EFNA5: variants seen among roughly 807,000 people sequenced by gnomAD.
The protein encoded by EFNA5 is ephrin A5.
A neutral mutation model predicts 22.9 loss-of-function variants in EFNA5; 5 were observed. The ratio of observed to expected loss-of-function variants is 0.22; its 90% CI spans 0.11 to 0.46. EFNA5 has a LOEUF of 0.46. EFNA5 is among the 20% of genes least tolerant of loss of function. EFNA5 has a pLI of 0.99. For synonymous variants in EFNA5, 113 were observed against 112.2 expected (o/e 1.01, Z -0.04); for missense variants, 237 against 293.3 (o/e 0.81, Z 1.40).
At chr5:107,418,093 T>C (rs1748553121) in intron 2 of EFNA5, among the ~76,000 whole-genome samples, 1 of 152,224 alleles carries the variant, frequency 6.6e-6, no homozygotes, top group South Asian at 2.1e-4. Flanking sequence ...ATTTGGTGTG[T>C]GCATGCTTGT....
intron 2 of EFNA5, among the ~76,000 whole-genome samples, chr5:107,409,012 G>A (rs575951056): frequency 9.8e-5 from 15 of 152,318 alleles, no homozygotes; most frequent in Admixed American, 8.5e-4. Context: ...CCAGTCCAAG[G>A]TGATAAACTC....
intron 1 of EFNA5, among the ~76,000 whole-genome samples, chr5:107,563,426 GTTATTA>G (rs568174251): frequency 6.6e-6 from 1 of 151,774 alleles, no homozygotes; most frequent in Non-Finnish European, 1.5e-5. Flanking sequence ...ATTTTTAAAA[GTTATTA>G]TTATTATTAT....
intron 1 of EFNA5, among the ~76,000 whole-genome samples, chr5:107,529,298 C>A (rs915110466): frequency 2.0e-5 from 3 of 152,076 alleles, no homozygotes; most frequent in Non-Finnish European, 2.9e-5. Flanking sequence ...AACAGAGGTC[C>A]TGAGTAGTGA....
At chr5:107,402,395 T>C (rs1358952141) in intron 2 of EFNA5, among the ~76,000 whole-genome samples, 2 of 152,172 alleles carry the variant, frequency 1.3e-5, no homozygotes, top group Non-Finnish European at 2.9e-5. Context: ...GATTAGTAAT[T>C]AGGACCATAC....
At chr5:107,421,028 T>C (rs1748643603) in intron 2 of EFNA5, among the ~76,000 whole-genome samples, 1 of 152,212 alleles carries the variant, frequency 6.6e-6, no homozygotes, top group Non-Finnish European at 1.5e-5. Flanking sequence ...CTGAATATTC[T>C]TATACTTTTA....
intron 1 of EFNA5, among the ~76,000 whole-genome samples, chr5:107,615,900 GATAA>G (rs1749902536): frequency 6.6e-6 from 1 of 152,074 alleles, no homozygotes; most frequent in Non-Finnish European, 1.5e-5. Context: ...AAATAAGAAA[GATAA>G]ATAGACTATG....
chr5:107,546,297 A>G (rs1451806367), intron 1 of EFNA5, among the ~76,000 whole-genome samples: 3 of 152,162 alleles, frequency 2.0e-5, no homozygotes, highest in Non-Finnish European at 2.9e-5. Flanking sequence ...TCTCCAGCAC[A>G]TCTGCTCAGG....
intron 1 of EFNA5, among the ~76,000 whole-genome samples, chr5:107,435,921 G>T (rs1749099255): frequency 6.6e-6 from 1 of 152,152 alleles, no homozygotes; most frequent in Non-Finnish European, 1.5e-5. Context: ...ATGATGATAA[G>T]AAGACATCAT....
At chr5:107,591,932 TA>T (rs1166432454) in intron 1 of EFNA5, among the ~76,000 whole-genome samples, 299 of 17,010 alleles carry the variant, frequency 0.018, 31 homozygotes, top group African/African-American at 0.043. Flanking sequence ...ATATAATATA[TA>T]ATATATATAT....
rs75381874 is a variant in EFNA5, at chr5:107,574,140, G to T, written c.125+96349C>A. 2.5e-4 allele frequency among the ~76,000 whole-genome samples: 38 copies of T among 152,166 alleles called. No individual in the cohort carries two copies. In the East Asian group the frequency reaches 6.8e-3, roughly 27 times the overall value. On this transcript the variant is annotated intron_variant, in intron 1 of 4. Coordinates refer to ENST00000333274, the MANE Select transcript of EFNA5 (RefSeq NM_001962.3). ...GGGATAAGTATGATAACTATCAATT[G>T]GTTTTCTTATTGAATTTAAGACGTA... is the stretch of plus-strand genomic sequence containing the variant.
At chr5:107,528,492 T>A (rs1429225939) in intron 1 of EFNA5, among the ~76,000 whole-genome samples, 3 of 152,230 alleles carry the variant, frequency 2.0e-5, no homozygotes. Context: ...AAGGGTGAAA[T>A]GTGCTTGATC....
At chr5:107,584,302 A>G (rs1580543027) in intron 1 of EFNA5, among the ~76,000 whole-genome samples, 1 of 152,180 alleles carries the variant, frequency 6.6e-6, no homozygotes, top group East Asian at 1.9e-4. Context: ...AGTATTGGCC[A>G]TATTTGCCTA....
Position 107,378,215 on chromosome 5 carries a change from C to G in EFNA5, c.*3040G>C, listed in dbSNP as rs1003161094. ...TTTTTTTTTTTTTTTTAATGTTTTACTTTTCTTTCCTCTGCCACCCAAGAA... is the reference window on the plus strand; with the variant it reads ...TTTTTTTTTTTTTTTTAATGTTTTAGTTTTCTTTCCTCTGCCACCCAAGAA... On this transcript the variant is annotated 3_prime_UTR_variant, in exon 5 of 5. Transcript: ENST00000333274. 7.1e-6 allele frequency: 1 copy of G among 141,776 alleles called. No individual in the cohort carries two copies. Among genetic ancestry groups the G allele is most frequent in the Non-Finnish European group, 1.5e-5 (1 of 65,508 alleles). The allele number at this position is 141,776 out of a possible 1,614,324, so 8.8% of individuals were successfully genotyped here. A position where few individuals can be genotyped will look rare whatever the true frequency, so the allele number is the denominator to read the frequency against.
intron 1 of EFNA5, among the ~76,000 whole-genome samples, chr5:107,573,846 T>C (rs963213747): frequency 1.3e-5 from 2 of 152,212 alleles, no homozygotes; most frequent in African/African-American, 2.4e-5. Flanking sequence ...AATAAGCTTC[T>C]GCTGTGAATA....
At chr5:107,439,936 C>T (rs1749213406) in intron 1 of EFNA5, among the ~76,000 whole-genome samples, 1 of 152,216 alleles carries the variant, frequency 6.6e-6, no homozygotes, top group Admixed American at 6.5e-5. Flanking sequence ...ACTTTGTTAA[C>T]ACCAGAATAC....
chr5:107,547,290 G>A (rs1297224544), intron 1 of EFNA5, among the ~76,000 whole-genome samples: 1 of 152,114 alleles, frequency 6.6e-6, no homozygotes, highest in African/African-American at 2.4e-5. Flanking sequence ...ATGCCAGTAC[G>A]GGAAATTCAT....
intron 1 of EFNA5, among the ~76,000 whole-genome samples, chr5:107,586,521 C>A (rs968291631): frequency 1.3e-4 from 20 of 152,260 alleles, no homozygotes; most frequent in African/African-American, 4.8e-4. Context: ...AGAAAATGGA[C>A]CCTGTGCTAC....
intron 2 of EFNA5, among the ~76,000 whole-genome samples, chr5:107,395,824 G>C (rs10068257): frequency 0.036 from 5,406 of 152,270 alleles, 326 homozygotes; most frequent in African/African-American, 0.12. Context: ...CTCTTCTTCA[G>C]ATGGAAGCCC....
intron 1 of EFNA5, among the ~76,000 whole-genome samples, chr5:107,471,844 T>C (rs1750150248): frequency 6.6e-6 from 1 of 152,222 alleles, no homozygotes; most frequent in Non-Finnish European, 1.5e-5. Flanking sequence ...TAGCTTGGTG[T>C]TGTAGCTATA....
Sources: allele counts gnomAD v4.1 joint callset (sites outside exome capture counted in the v4.1 genomes callset), GRCh38; gene constraint gnomAD v4.1.1; transcripts MANE v1.5; gene names NCBI Gene and HGNC (gene_info 2026-07-23, HGNC 2026-07-21).